MYO7A: variants seen among roughly 807,000 people sequenced by gnomAD.
The protein encoded by MYO7A is myosin VIIA, also known as unconventional myosin-VIIa.
In MYO7A, 210 loss-of-function variants were observed where a neutral mutation model predicts 263.8. The ratio of observed to expected loss-of-function variants is 0.80; its 90% CI spans 0.71 to 0.89. MYO7A has a LOEUF of 0.89. MYO7A is among the 40% of genes least tolerant of loss of function. The probability of loss-of-function intolerance (pLI) is 0.00; values close to 1 mark genes in which losing one functional copy is unlikely to be tolerated. For synonymous variants in MYO7A, 1,239 were observed against 1,197.3 expected, an observed-to-expected ratio of 1.03 and a Z score of -0.72; for missense variants, 2,820 against 2,968.3, an observed-to-expected ratio of 0.95 and a Z score of 1.16.
chr11:77,168,600 G>C (rs1555074126), intron 15 of MYO7A, among the ~76,000 whole-genome samples: 1 of 152,164 alleles, frequency 6.6e-6, no homozygotes, highest in Non-Finnish European at 1.5e-5. Context: ...TTCAAGACCA[G>C]CCTGGGCAAC....
intron 15 of MYO7A, among the ~76,000 whole-genome samples, chr11:77,166,717 T>C (rs1953584032): frequency 6.6e-6 from 1 of 152,146 alleles, no homozygotes; most frequent in Non-Finnish European, 1.5e-5. Flanking sequence ...GTGCATGAAG[T>C]CCTCACGCAG....
intron 2 of MYO7A, among the ~76,000 whole-genome samples, chr11:77,137,167 G>A (rs1387374140): frequency 1.3e-5 from 2 of 152,252 alleles, no homozygotes; most frequent in Non-Finnish European, 2.9e-5. Context: ...TCCTGAGAGC[G>A]GTGTCCCTGA....
In MYO7A at chr11:77,129,751, C is replaced by T. The variant is rs1396669268; in HGVS notation, c.-46-838C>T. 9.8e-5 allele frequency among the ~76,000 whole-genome samples: 15 copies of T among 152,306 alleles called. No homozygotes were observed. In the East Asian group the frequency reaches 1.9e-3, roughly 20 times the overall value. The stretch of plus-strand genomic sequence containing the variant: ...AGGGAAGGCTTCCTGGAGGAGGTAT[C>T]ATCTGAACTGAGCCATGAACCATAA... On this transcript the variant is annotated intron_variant, in intron 1 of 48. Coordinates refer to ENST00000409709, the MANE Select transcript of MYO7A (RefSeq NM_000260.4).
chr11:77,193,943 A>T (rs1463895186), intron 31 of MYO7A: 1 of 456,220 alleles, frequency 2.2e-6, no homozygotes, highest in African/African-American at 2.0e-5. Flanking sequence ...CCTCACTCTG[A>T]CCCTGCCAGC....
chr11:77,163,347 A>C (rs1183099105), intron 14 of MYO7A, among the ~76,000 whole-genome samples: 1 of 152,124 alleles, frequency 6.6e-6, no homozygotes, highest in African/African-American at 2.4e-5. Flanking sequence ...GTGGAATCAT[A>C]TGCTATGGCC....
intron 42 of MYO7A, 71 bp downstream of exon 42, chr11:77,207,473 GAA>G: frequency 9.0e-7 from 1 of 1,111,744 alleles, no homozygotes; most frequent in South Asian, 1.3e-5. Flanking sequence ...ACAGCAGACG[GAA>G]GAGAGAGGAA....
Position 77,160,232 on chromosome 11 carries a change from AC to A in MYO7A, c.1154del (p.Pro385HisfsTer2). 1 of 1,580,854 alleles carries A rather than the reference AC, an allele frequency of 6.3e-7. No homozygotes were observed. Among genetic ancestry groups the A allele is most frequent in the Admixed American group, 1.8e-5 (1 of 55,660 alleles). On this transcript the variant is annotated frameshift_variant, in exon 11 of 49. Coordinates refer to ENST00000409709, the MANE Select transcript of MYO7A (RefSeq NM_000260.4). LOFTEE classifies it high-confidence loss of function. ...TLITRGETVS[T>X]PLSREQALDV... ...CATCACCCGCGGGGAGACGGTGTCC[AC>A]CCCACTGAGCAGGGAACAGGCACTG...
intron 3 of MYO7A, 48 bp from the exon 4 acceptor site, chr11:77,147,750 C>T (rs773985673): frequency 6.3e-6 from 10 of 1,594,538 alleles, no homozygotes; most frequent in Non-Finnish European, 7.7e-6. Flanking sequence ...CCCTGAAGTG[C>T]GCAGCCTGGG....
At chr11:77,155,297 G>A (rs1283781925) in intron 4 of MYO7A, among the ~76,000 whole-genome samples, 4 of 152,308 alleles carry the variant, frequency 2.6e-5, no homozygotes, top group East Asian at 3.9e-4. Flanking sequence ...TGGCCCCTGC[G>A]CCTACGCTGC....
At chr11:77,167,003 C>T (rs1210100558) in intron 15 of MYO7A, among the ~76,000 whole-genome samples, 1 of 152,230 alleles carries the variant, frequency 6.6e-6, no homozygotes, top group Non-Finnish European at 1.5e-5. Flanking sequence ...GTAAAAGACC[C>T]CAGCCCGGGG....
At chr11:77,131,650 G>A (rs1353565685) in intron 2 of MYO7A, among the ~76,000 whole-genome samples, 1 of 152,174 alleles carries the variant, frequency 6.6e-6, no homozygotes, top group Non-Finnish European at 1.5e-5. Context: ...CTCCCTCAGG[G>A]GGCCTCTGAG....
At chr11:77,166,353 A>C (rs1555072585) in intron 15 of MYO7A, among the ~76,000 whole-genome samples, 191 bp downstream of exon 15, 2 of 152,102 alleles carry the variant, frequency 1.3e-5, no homozygotes, top group Admixed American at 6.5e-5. Flanking sequence ...TATTGTACTA[A>C]CTGGGGATAT....
chr11:77,135,119 T>G (rs1337522780), intron 2 of MYO7A, among the ~76,000 whole-genome samples: 7 of 152,206 alleles, frequency 4.6e-5, no homozygotes, highest in Non-Finnish European at 1.0e-4. Flanking sequence ...TTCAGTGGCA[T>G]TAAATACATT....
chr11:77,168,804 T>A (rs1953808960), intron 15 of MYO7A, among the ~76,000 whole-genome samples: 1 of 151,308 alleles, frequency 6.6e-6, no homozygotes, highest in South Asian at 2.1e-4. Context: ...GTCTCTAAAA[T>A]TTAAAAAAAG....
intron 14 of MYO7A, 22 bp downstream of exon 14, chr11:77,163,010 CTG>C: frequency 6.2e-7 from 1 of 1,612,178 alleles, no homozygotes; most frequent in Non-Finnish European, 8.5e-7. Flanking sequence ...TGCCGGCTGT[CTG>C]TCACTCCCTG....
intron 32 of MYO7A, among the ~76,000 whole-genome samples, chr11:77,196,330 C>T (rs1956658799): frequency 6.7e-6 from 1 of 150,044 alleles, no homozygotes; most frequent in Admixed American, 6.6e-5. Context: ...CCTGCCATTG[C>T]ACTCCAGCCT....
At chr11:77,183,467 C>T (rs916669274) in intron 26 of MYO7A, among the ~76,000 whole-genome samples, 2 of 152,210 alleles carry the variant, frequency 1.3e-5, no homozygotes, top group Admixed American at 6.5e-5. Context: ...GGCACAGACC[C>T]GAGGCACTTG....
intron 18 of MYO7A, 37 bp downstream of exon 18, chr11:77,175,501 G>T (rs374578970): frequency 5.4e-5 from 86 of 1,591,126 alleles, no homozygotes; most frequent in South Asian, 3.6e-4. Flanking sequence ...GCCCTGGGGG[G>T]GCTGTAAATT....
chr11:77,193,599 G>A (rs557317190), intron 31 of MYO7A, among the ~76,000 whole-genome samples: 8 of 152,186 alleles, frequency 5.3e-5, no homozygotes, highest in African/African-American at 1.9e-4. Context: ...TGGTGGTATT[G>A]GTGGTAAGCA....
Sources: allele counts gnomAD v4.1 joint callset (sites outside exome capture counted in the v4.1 genomes callset), GRCh38; gene constraint gnomAD v4.1.1; transcripts MANE v1.5; gene names NCBI Gene and HGNC (gene_info 2026-07-23, HGNC 2026-07-21).